Variants in SMYD3 observed in about 807,000 individuals in gnomAD.
SMYD3 encodes the protein histone-lysine N-methyltransferase SMYD3.
In SMYD3, 36 loss-of-function variants were observed where a neutral mutation model predicts 57.7. The ratio of observed to expected loss-of-function variants is 0.62; its 90% confidence interval spans 0.48 to 0.82. The LOEUF (loss-of-function observed/expected upper bound fraction) is 0.82, where lower values mean the gene tolerates loss of function less well. Ranked by LOEUF, SMYD3 falls within the 40% of genes least tolerant of loss-of-function variation. The probability of loss-of-function intolerance (pLI) is 0.00; values close to 1 mark genes in which losing one functional copy is unlikely to be tolerated. For synonymous variants in SMYD3, 211 were observed against 195.0 expected (o/e 1.08, Z -0.68); for missense variants, 515 against 538.8 (o/e 0.96, Z 0.44).
chr1:246,384,281 T>C (rs985463828), intron 1 of SMYD3, among the ~76,000 whole-genome samples: 2 of 152,182 alleles, frequency 1.3e-5, no homozygotes, highest in African/African-American at 4.8e-5. Flanking sequence ...TTCCATTTCA[T>C]GTATAGGTTG....
chr1:246,378,795 AT>A (rs1407174655), intron 1 of SMYD3, among the ~76,000 whole-genome samples: 6 of 110,958 alleles, frequency 5.4e-5, no homozygotes, highest in Admixed American at 1.2e-4. Context: ...TTAATATATT[AT>A]TTTTATATAT....
At chr1:245,887,133 G>A (rs573376121) in intron 8 of SMYD3, among the ~76,000 whole-genome samples, 2 of 152,270 alleles carry the variant, frequency 1.3e-5, no homozygotes, top group Admixed American at 1.3e-4. Context: ...GAGATAGGAA[G>A]TTACCACAAG....
intron 10 of SMYD3, among the ~76,000 whole-genome samples, chr1:245,798,271 C>A (rs1056188775): frequency 6.6e-6 from 1 of 151,550 alleles, no homozygotes; most frequent in African/African-American, 2.4e-5. Context: ...TGAGCCCCTT[C>A]CCTACCCTCA....
intron 10 of SMYD3, among the ~76,000 whole-genome samples, chr1:245,812,521 T>C (rs1391521190): frequency 6.6e-6 from 1 of 152,140 alleles, no homozygotes; most frequent in African/African-American, 2.4e-5. Context: ...TCCTCCATTG[T>C]GACCAACGTC....
At chr1:245,959,694 T>C (rs775075295) in intron 5 of SMYD3, among the ~76,000 whole-genome samples, 11 of 152,250 alleles carry the variant, frequency 7.2e-5, no homozygotes, top group Admixed American at 2.0e-4. Flanking sequence ...CCCTGTTTGA[T>C]GGCTCATTTC....
rs1265570967 is a variant in SMYD3, at chr1:245,820,789, T to C, written c.1076+37707A>G. Among the ~76,000 whole-genome samples the C allele has an allele frequency of 7.0e-4, 106 of 150,608 alleles. 1 individual carries two copies. In the East Asian group the frequency reaches 0.018, roughly 26 times the overall value. ...GAGCCAAATCATGAGTGAACTCCCA[T>C]TCACAATTGCTTCAAAGAGAATAAA... On this transcript the variant is annotated intron_variant, in intron 10 of 11. Coordinates refer to ENST00000490107, the MANE Select transcript of SMYD3 (RefSeq NM_001167740.2).
At chr1:246,248,898 C>T (rs1191535119) in intron 5 of SMYD3, among the ~76,000 whole-genome samples, 1 of 148,000 alleles carries the variant, frequency 6.8e-6, no homozygotes, top group African/African-American at 2.5e-5. Flanking sequence ...CCTCGTGACC[C>T]GCGCGCCTCA....
intron 5 of SMYD3, among the ~76,000 whole-genome samples, chr1:246,013,898 G>A (rs541740105): frequency 6.6e-6 from 1 of 152,262 alleles, no homozygotes; most frequent in South Asian, 2.1e-4. Flanking sequence ...AAGCTTTCTG[G>A]TATACGGTAC....
chr1:246,093,100 G>C (rs530380581), intron 5 of SMYD3, among the ~76,000 whole-genome samples: 1 of 151,994 alleles, frequency 6.6e-6, no homozygotes. Context: ...TTTTAAAAAA[G>C]ACGAAAAAGA....
At chr1:245,794,923 A>C (rs2047457642) in intron 10 of SMYD3, among the ~76,000 whole-genome samples, 1 of 152,202 alleles carries the variant, frequency 6.6e-6, no homozygotes, top group Non-Finnish European at 1.5e-5. Context: ...TTTGGAATAA[A>C]TTGAAAACTT....
intron 10 of SMYD3, among the ~76,000 whole-genome samples, chr1:245,844,138 T>C (rs1173238665): frequency 6.6e-6 from 1 of 152,164 alleles, no homozygotes; most frequent in Non-Finnish European, 1.5e-5. Flanking sequence ...CAAGACAGCC[T>C]TTTAAAATGT....
intron 1 of SMYD3, among the ~76,000 whole-genome samples, chr1:246,358,881 C>T (rs1048711375): frequency 6.6e-5 from 10 of 152,080 alleles, no homozygotes; most frequent in African/African-American, 2.2e-4. Context: ...CACAAATAGA[C>T]AATCTAAGGC....
intron 10 of SMYD3, among the ~76,000 whole-genome samples, chr1:245,848,565 C>T (rs572321877): frequency 6.6e-6 from 1 of 152,090 alleles, no homozygotes; most frequent in African/African-American, 2.4e-5. Flanking sequence ...CCAACCACCA[C>T]CACGCCCATC....
chr1:245,766,401 A>C (rs1050391919), intron 10 of SMYD3, among the ~76,000 whole-genome samples: 2 of 32,024 alleles, frequency 6.2e-5, no homozygotes, highest in African/African-American at 1.9e-3. Context: ...ACTCTGTCTT[A>C]AAAAAAAAAA....
chr1:245,967,515 G>A (rs2058187728), intron 5 of SMYD3, among the ~76,000 whole-genome samples: 1 of 152,324 alleles, frequency 6.6e-6, no homozygotes, highest in Admixed American at 6.5e-5. Flanking sequence ...GTGTGGAGTT[G>A]TCTCTGAAAA....
chr1:245,937,614 A>C (rs887081712), intron 5 of SMYD3, among the ~76,000 whole-genome samples: 1 of 152,148 alleles, frequency 6.6e-6, no homozygotes, highest in African/African-American at 2.4e-5. Context: ...TTCTTCAATA[A>C]TTTATTACAA....
intron 10 of SMYD3, among the ~76,000 whole-genome samples, chr1:245,781,459 G>A (rs12408846): frequency 0.022 from 3,423 of 152,228 alleles, 166 homozygotes; most frequent in Admixed American, 0.1. Context: ...GTATAGTACT[G>A]GGAAAATTGA....
chr1:246,493,208 C>A (rs2068297734), intron 1 of SMYD3, among the ~76,000 whole-genome samples: 1 of 143,860 alleles, frequency 7.0e-6, no homozygotes, highest in Non-Finnish European at 1.5e-5. Context: ...GTCCTAGCTA[C>A]TGGGGGGGAG....
At chr1:246,317,834 G>T (rs1260737144) in intron 5 of SMYD3, among the ~76,000 whole-genome samples, 16 of 151,634 alleles carry the variant, frequency 1.1e-4, no homozygotes, top group Non-Finnish European at 1.5e-5. Flanking sequence ...AAATTGTCAT[G>T]AGGCAGTTGT....
Sources: allele counts gnomAD v4.1 joint callset (sites outside exome capture counted in the v4.1 genomes callset), GRCh38; gene constraint gnomAD v4.1.1; transcripts MANE v1.5; gene names NCBI Gene and HGNC (gene_info 2026-07-23, HGNC 2026-07-21).